KIF26A: variants seen among roughly 807,000 people sequenced by gnomAD.
KIF26A encodes the protein kinesin-like protein KIF26A.
In KIF26A, 74 loss-of-function variants were observed where a neutral mutation model predicts 126.0. The ratio of observed to expected loss-of-function variants is 0.59; its 90% CI spans 0.49 to 0.71. KIF26A has a LOEUF of 0.71. Ranked by LOEUF, KIF26A falls within the 30% of genes least tolerant of loss-of-function variation. The pLI is 0.00. For synonymous variants in KIF26A, 1,445 were observed against 1,232.7 expected, an observed-to-expected ratio of 1.17 and a Z score of -3.61; for missense variants, 2,984 against 2,763.3, an observed-to-expected ratio of 1.08 and a Z score of -1.79.
chr14:104,161,344 G>C (rs1025422930), intron 4 of KIF26A, among the ~76,000 whole-genome samples: 1 of 152,112 alleles, frequency 6.6e-6, no homozygotes, highest in Non-Finnish European at 1.5e-5. Flanking sequence ...CACCAGCCTC[G>C]CACGGCCCAG....
intron 3 of KIF26A, among the ~76,000 whole-genome samples, chr14:104,157,546 G>T (rs765399423): frequency 6.6e-6 from 1 of 152,130 alleles, no homozygotes; most frequent in Non-Finnish European, 1.5e-5. Flanking sequence ...GTGACCTCAC[G>T]GCCCAGGCAG....
chr14:104,161,230 A>T (rs867202203), intron 4 of KIF26A, among the ~76,000 whole-genome samples: 2 of 147,804 alleles, frequency 1.4e-5, no homozygotes, highest in Non-Finnish European at 3.0e-5. Context: ...TGCAGGACCC[A>T]GCTGGGGTCC....
chr14:104,147,542 C>T (rs943993485), intron 2 of KIF26A, among the ~76,000 whole-genome samples: 4 of 152,164 alleles, frequency 2.6e-5, no homozygotes, highest in African/African-American at 9.7e-5. Context: ...CCCAGCTGGG[C>T]AGGAGGGGCA....
Position 104,139,173 on chromosome 14 carries a change from C to T in KIF26A, c.173C>T (p.Pro58Leu), listed in dbSNP as rs1274063777. 1 of 1,537,296 alleles carries T rather than the reference C, an allele frequency of 6.5e-7. No homozygotes were observed. Among genetic ancestry groups the T allele is most frequent in the Non-Finnish European group, 8.8e-7 (1 of 1,141,778 alleles). The change falls in exon 2 of 15, where the codon CCA (proline) becomes CTA (leucine). Residue 58 changes from proline (P) to leucine (L), a missense_variant. By Grantham distance (98) the Pro-to-Leu change is moderately conservative. Transcript: ENST00000423312. Reference protein sequence around the residue: ...RPAPEGAGAGPEQGHSAGGGG... With the variant: ...RPAPEGAGAGLEQGHSAGGGG... The stretch of plus-strand genomic sequence containing the variant: ...GCTCCCGAAGGCGCCGGGGCCGGCC[C>T]AGAGCAGGGCCACTCGGCCGGCGGA...
chr14:104,153,191 C>T (rs1168574526), intron 3 of KIF26A, among the ~76,000 whole-genome samples: 1 of 152,118 alleles, frequency 6.6e-6, no homozygotes, highest in Non-Finnish European at 1.5e-5. Context: ...GGTGAGGTGG[C>T]CTGTCTGGAC....
rs568531070 is a variant in KIF26A at position 104,165,663 on chromosome 14, CTG to C, written c.924-1192_924-1191del. 1.1e-4 allele frequency among the ~76,000 whole-genome samples: 15 copies of C among 133,706 alleles called. No homozygotes were observed. The East Asian group carries it at 1.6e-3, about 14-fold the overall frequency. 87.7% of individuals were successfully genotyped at this position (133,706 alleles called of 152,430 possible). A position where few individuals can be genotyped will look rare whatever the true frequency, so the allele number is the denominator to read the frequency against. On this transcript the variant is annotated intron_variant, in intron 4 of 14. Transcript: ENST00000423312. ...TGTTTCTGTATGCATGTGTGTGTATCTGTGTTTCTGTATGCATATGTGTGACT... is the reference window on the plus strand; with the variant it reads ...TGTTTCTGTATGCATGTGTGTGTATCTGTTTCTGTATGCATATGTGTGACT...
chr14:104,141,134 T>C (rs989567737), intron 2 of KIF26A, among the ~76,000 whole-genome samples: 1 of 152,232 alleles, frequency 6.6e-6, no homozygotes, highest in Non-Finnish European at 1.5e-5. Context: ...AGCCCTGGCC[T>C]GGCCCGCTGG....
intron 5 of KIF26A, among the ~76,000 whole-genome samples, chr14:104,168,935 A>T (rs994505743): frequency 2.0e-5 from 3 of 151,308 alleles, no homozygotes; most frequent in Non-Finnish European, 2.9e-5. Flanking sequence ...TTTGCCTAGC[A>T]CTGCTGGGGG....
chr14:104,138,902 T>C, intron 1 of KIF26A, 138 bp downstream of exon 1: 3 of 1,241,900 alleles, frequency 2.4e-6, no homozygotes, highest in Non-Finnish European at 3.0e-6. Flanking sequence ...CCTCCGGGGA[T>C]GGAGGGAGTG....
chr14:104,179,913 G>T lies in KIF26A; in HGVS notation c.*123G>T. Reference sequence around the variant, plus strand: ...GGAGGGGTTTCTGTGCAGGACGGGAGTCTCAGAGAGGAGACGGAGTGTGGG... The same window carrying T: ...GGAGGGGTTTCTGTGCAGGACGGGATTCTCAGAGAGGAGACGGAGTGTGGG... On this transcript the variant is annotated 3_prime_UTR_variant, in exon 15 of 15. Transcript: ENST00000423312. 9.5e-7 allele frequency: 1 copy of T among 1,049,198 alleles called. No individual in the cohort carries two copies. Among genetic ancestry groups the T allele is most frequent in the Non-Finnish European group, 1.3e-6 (1 of 752,644 alleles). 65.0% of individuals were successfully genotyped at this position (1,049,198 alleles called of 1,614,324 possible). A position where few individuals can be genotyped will look rare whatever the true frequency, so the allele number is the denominator to read the frequency against.
At position 104,177,231 on chromosome 14, in the gene KIF26A, G is replaced by A. The variant is rs746292290; in HGVS notation, c.4443G>A (p.Arg1481=). Reference sequence around the variant, plus strand: ...CACACGGTCCAGCTCCCGCCTGTAGGAGCGGCGCAGCCAAGGCTGTGGGGG... The same window carrying A: ...CACACGGTCCAGCTCCCGCCTGTAGAAGCGGCGCAGCCAAGGCTGTGGGGG... ...SPTHGPAPAC[R]SGAAKAVGAP... Residue 1481 remains arginine, a synonymous_variant, in exon 12 of 15, where the codon AGG becomes AGA. Transcript: ENST00000423312. The A allele has an allele frequency of 3.3e-5, 52 of 1,596,828 alleles. 1 individual carries two copies. Among genetic ancestry groups the A allele is most frequent in the Non-Finnish European group, 4.3e-5 (51 of 1,175,986 alleles).
At chr14:104,156,372 G>A (rs1443161617) in intron 3 of KIF26A, among the ~76,000 whole-genome samples, 2 of 152,200 alleles carry the variant, frequency 1.3e-5, no homozygotes, top group African/African-American at 2.4e-5. Flanking sequence ...TGCTGGTGGG[G>A]TGTGGTGTGC....
At position 104,158,113 on chromosome 14, in the gene KIF26A, G is replaced by C. The variant is rs111453038; in HGVS notation, c.923+171G>C. Among the ~76,000 whole-genome samples the C allele has an allele frequency of 3.6e-3, 547 of 152,316 alleles. 5 individuals are homozygous for C. Among genetic ancestry groups the C allele is most frequent in the African/African-American group, 0.013 (533 of 41,582 alleles). The stretch of plus-strand genomic sequence containing the variant: ...GCTGCTGAGCCGCTCACAGCCTGCC[G>C]GCCTCTCGGGCCCCATGCCCGATGT... On this transcript the variant is annotated intron_variant, in intron 4 of 14. Transcript: ENST00000423312.
chr14:104,158,443 C>T (rs1056989108), intron 4 of KIF26A, among the ~76,000 whole-genome samples: 1 of 152,210 alleles, frequency 6.6e-6, no homozygotes, highest in Non-Finnish European at 1.5e-5. Context: ...ACAAGGCTGG[C>T]CTTCAGGCAG....
chr14:104,154,203 C>T (rs539253525), intron 3 of KIF26A, among the ~76,000 whole-genome samples: 6 of 152,010 alleles, frequency 3.9e-5, no homozygotes, highest in East Asian at 2.0e-4. Context: ...ACCCCTGGGT[C>T]GAATGAGATT....
In KIF26A at chr14:104,139,310, C is replaced by T. The variant is rs561339441; in HGVS notation, c.288+22C>T. ...CCGGGTAAGTGACACTTCCTTAGGC[C>T]GACCCCTCCGAGCAGGGCCACGCCG... On this transcript the variant is annotated intron_variant, in intron 2 of 14. Coordinates refer to ENST00000423312, the MANE Select transcript of KIF26A (RefSeq NM_015656.2). 10 of 1,446,856 alleles carry T rather than the reference C, an allele frequency of 6.9e-6. No homozygotes were observed. In the East Asian group the frequency reaches 1.7e-4, roughly 24 times the overall value. The allele number at this position is 1,446,856 out of a possible 1,614,324, so 89.6% of individuals were successfully genotyped here.
chr14:104,150,944 G>A (rs1027096963), intron 2 of KIF26A, among the ~76,000 whole-genome samples: 14 of 152,178 alleles, frequency 9.2e-5, no homozygotes, highest in African/African-American at 3.4e-4. Context: ...GGGAGGGGGT[G>A]CAGACGCAGA....
intron 3 of KIF26A, among the ~76,000 whole-genome samples, chr14:104,156,416 A>G (rs2037777945): frequency 6.6e-6 from 1 of 151,632 alleles, no homozygotes; most frequent in African/African-American, 2.4e-5. Context: ...TCCAGGTCCC[A>G]GGTTCGCCCT....
intron 5 of KIF26A, among the ~76,000 whole-genome samples, chr14:104,168,554 C>A (rs1358817624): frequency 1.3e-5 from 2 of 152,148 alleles, no homozygotes; most frequent in Non-Finnish European, 2.9e-5. Flanking sequence ...CAGTTGGCAC[C>A]TTGGAGCTGC....
Sources: allele counts gnomAD v4.1 joint callset (sites outside exome capture counted in the v4.1 genomes callset), GRCh38; gene constraint gnomAD v4.1.1; transcripts MANE v1.5; gene names NCBI Gene and HGNC (gene_info 2026-07-23, HGNC 2026-07-21).